CBX5: variants seen among roughly 807,000 people sequenced by gnomAD.
CBX5 encodes the protein chromobox 5, also known as chromobox protein homolog 5.
In CBX5, 7 loss-of-function variants were observed where a neutral mutation model predicts 20.7. The observed-to-expected ratio is 0.34, with a 90% confidence interval of 0.19 to 0.63. CBX5 has a LOEUF of 0.63. Among genes scored for constraint, CBX5 ranks in the 30% least tolerant of loss-of-function variants. The probability of loss-of-function intolerance (pLI) is 0.75; values close to 1 mark genes in which losing one functional copy is unlikely to be tolerated. For missense variants in CBX5, 110 were observed against 224.1 expected, an observed-to-expected ratio of 0.49 and a Z score of 3.25; for synonymous variants, 78 against 77.0, an observed-to-expected ratio of 1.01 and a Z score of -0.07.
chr12:54,260,321 T>C (rs1943904066), intron 1 of CBX5, among the ~76,000 whole-genome samples: 1 of 151,962 alleles, frequency 6.6e-6, no homozygotes, highest in Non-Finnish European at 1.5e-5. Flanking sequence ...TGAAACCCCG[T>C]CTCTACTAAA....
At position 54,250,811 on chromosome 12, in the gene CBX5, CAAAAAAAAAAAAAAA is replaced by C. The variant is rs1164585269; in HGVS notation, c.324+1215_324+1229del. ...TGTGCGACAGAGCGAGACTCCGTCT[CAAAAAAAAAAAAAAA>C]AAAAAAAAAAAAAAAAAAGAAAGGG... On this transcript the variant is annotated intron_variant, in intron 3 of 4. Transcript: ENST00000209875. Among the ~76,000 whole-genome samples, 12 of 39,350 alleles carry C rather than the reference CAAAAAAAAAAAAAAA, an allele frequency of 3.0e-4. No individual in the cohort carries two copies. The South Asian group carries it at 7.0e-3, about 23-fold the overall frequency. 25.8% of individuals were successfully genotyped at this position (39,350 alleles called of 152,430 possible). A position where few individuals can be genotyped will look rare whatever the true frequency, so the allele number is the denominator to read the frequency against.
chr12:54,249,696 T>C (rs1033555743), intron 3 of CBX5, among the ~76,000 whole-genome samples: 2 of 152,088 alleles, frequency 1.3e-5, no homozygotes, highest in African/African-American at 2.4e-5. Flanking sequence ...GTAGAGTGTG[T>C]GTATTTATGC....
At chr12:54,268,597 T>C (rs1943979437) in intron 1 of CBX5, among the ~76,000 whole-genome samples, 1 of 152,180 alleles carries the variant, frequency 6.6e-6, no homozygotes, top group African/African-American at 2.4e-5. Flanking sequence ...GCTCTAAAAT[T>C]GGTTGATTAT....
intron 1 of CBX5, chr12:54,258,412 T>C (rs1191093390): frequency 6.6e-6 from 1 of 152,156 alleles, no homozygotes; most frequent in African/African-American, 2.4e-5. Context: ...TATTCAGTAA[T>C]TCCCAAGATG....
chr12:54,263,779 A>G (rs531248888), intron 1 of CBX5, among the ~76,000 whole-genome samples: 180 of 149,234 alleles, frequency 1.2e-3, no homozygotes, highest in East Asian at 7.8e-3. Context: ...AAAAAAAAAA[A>G]AAAAGAAAAG....
At position 54,241,706 on chromosome 12, in the gene CBX5, A is replaced by C; in HGVS notation, c.*49T>G. On this transcript the variant is annotated 3_prime_UTR_variant, in exon 5 of 5. Transcript: ENST00000209875. ...TGGGTAGAAAGGAGAGGAGGCAGGG[A>C]GGTGAATGTATTATGTACAAAGAGA... 6.5e-7 allele frequency: 1 copy of C among 1,545,960 alleles called. No individual in the cohort carries two copies. Among genetic ancestry groups the C allele is most frequent in the Non-Finnish European group, 8.8e-7 (1 of 1,140,244 alleles).
chr12:54,258,247 A>G (rs1189981127), intron 1 of CBX5: 1 of 152,216 alleles, frequency 6.6e-6, no homozygotes, highest in Non-Finnish European at 1.5e-5. Flanking sequence ...AAACAAATTG[A>G]GCTTGTCCCT....
chr12:54,278,431 A>G lies in CBX5; in HGVS notation c.-43+1577T>C, dbSNP rs79396150. On this transcript the variant is annotated intron_variant, in intron 1 of 4. Coordinates refer to ENST00000209875, the MANE Select transcript of CBX5 (RefSeq NM_012117.3). ...TAAATTATAGGTTTGTCCTTTTGCT[A>G]GTGCCAGAGAACATGGAAATCTCTC... is the stretch of plus-strand genomic sequence containing the variant. 4.5e-3 allele frequency among the ~76,000 whole-genome samples: 681 copies of G among 152,356 alleles called. 6 individuals are homozygous for G. Among genetic ancestry groups the G allele is most frequent in the African/African-American group, 0.016 (651 of 41,586 alleles).
At chr12:54,246,571 G>A (rs1762981717) in intron 3 of CBX5, among the ~76,000 whole-genome samples, 1 of 151,936 alleles carries the variant, frequency 6.6e-6, no homozygotes, top group South Asian at 2.1e-4. Context: ...CACAAGCTCA[G>A]GAGTTCAAGA....
chr12:54,268,621 A>G (rs975440019), intron 1 of CBX5, among the ~76,000 whole-genome samples: 13 of 152,236 alleles, frequency 8.5e-5, no homozygotes, highest in African/African-American at 3.1e-4. Flanking sequence ...ATATTTATTG[A>G]GGGCCTAAAA....
At position 54,235,991 on chromosome 12, in the gene CBX5, T is replaced by C. The variant is rs1943617557; in HGVS notation, c.*5764A>G. 6.6e-6 allele frequency: 1 copy of C among 152,226 alleles called. No individual in the cohort carries two copies. Among genetic ancestry groups the C allele is most frequent in the African/African-American group, 2.4e-5 (1 of 41,454 alleles). The allele number at this position is 152,226 out of a possible 1,614,324, so 9.4% of individuals were successfully genotyped here. A position where few individuals can be genotyped will look rare whatever the true frequency, so the allele number is the denominator to read the frequency against. On this transcript the variant is annotated 3_prime_UTR_variant, in exon 5 of 5. Coordinates refer to ENST00000209875, the MANE Select transcript of CBX5 (RefSeq NM_012117.3). Reference sequence around the variant, plus strand: ...CAGGAGTTCTCAATCCCAACTCACCTGTTTTCTCTCTCAGTAATAACAGCA... The same window carrying C: ...CAGGAGTTCTCAATCCCAACTCACCCGTTTTCTCTCTCAGTAATAACAGCA...
rs1389493774 is a variant in CBX5 at position 54,235,139 on chromosome 12, G to C, written c.*6616C>G. On this transcript the variant is annotated 3_prime_UTR_variant, in exon 5 of 5. Transcript: ENST00000209875. ...AAGTTAGTCAACTCTCAATTATCCA[G>C]GCAGAAATAAATATCTTTTTCTTGT... The C allele has an allele frequency of 1.3e-5, 2 of 152,138 alleles. No homozygotes were observed. Among genetic ancestry groups the C allele is most frequent in the Non-Finnish European group, 1.5e-5 (1 of 68,048 alleles). The allele number at this position is 152,138 out of a possible 1,614,324, so 9.4% of individuals were successfully genotyped here.
chr12:54,273,522 G>C (rs1254651853), intron 1 of CBX5: 1 of 152,064 alleles, frequency 6.6e-6, no homozygotes, highest in East Asian at 1.9e-4. Flanking sequence ...TGCTCTCTCA[G>C]GTTGAATTAA....
In CBX5 at chr12:54,233,038, C is replaced by G. The variant is rs993098864; in HGVS notation, c.*8717G>C. ...TGGGAATCCTAGCACCACAAAACAC[C>G]CTCTTACTACATCACATCCCTCCCC... On this transcript the variant is annotated 3_prime_UTR_variant, in exon 5 of 5. Transcript: ENST00000209875. 4 of 152,090 alleles carry G rather than the reference C, an allele frequency of 2.6e-5. No individual in the cohort carries two copies. The highest frequency in any genetic ancestry group is 4.4e-5 in the Non-Finnish European group (3 of 68,026). The allele number at this position is 152,090 out of a possible 1,614,324, so 9.4% of individuals were successfully genotyped here. A position where few individuals can be genotyped will look rare whatever the true frequency, so the allele number is the denominator to read the frequency against.
chr12:54,247,002 T>G (rs1294758921), intron 3 of CBX5, among the ~76,000 whole-genome samples: 1 of 152,188 alleles, frequency 6.6e-6, no homozygotes, highest in Non-Finnish European at 1.5e-5. Flanking sequence ...ACTTTTAGTT[T>G]ACCTTAACAC....
At position 54,236,797 on chromosome 12, in the gene CBX5, C is replaced by T. The variant is rs1943627666; in HGVS notation, c.*4958G>A. On this transcript the variant is annotated 3_prime_UTR_variant, in exon 5 of 5. Transcript: ENST00000209875. ...TCAAAACTGAACCTTAAGGTAGAGA[C>T]AATTGCTCCCCGGGCCAAACACAGA... The T allele has an allele frequency of 6.6e-6, 1 of 152,082 alleles. No individual in the cohort carries two copies. Among genetic ancestry groups the T allele is most frequent in the East Asian group, 1.9e-4 (1 of 5,188 alleles). 9.4% of individuals were successfully genotyped at this position (152,082 alleles called of 1,614,324 possible). A position where few individuals can be genotyped will look rare whatever the true frequency, so the allele number is the denominator to read the frequency against.
Position 54,231,690 on chromosome 12 carries a change from G to T in CBX5, c.*10065C>A, listed in dbSNP as rs1389408126. ...GTGTCCAAAGTTTTCTCAAACCAGA[G>T]GGAAAAAAGGTCAAGGTTAGGTTCA... is the stretch of plus-strand genomic sequence containing the variant. On this transcript the variant is annotated 3_prime_UTR_variant, in exon 5 of 5. Coordinates refer to ENST00000209875, the MANE Select transcript of CBX5 (RefSeq NM_012117.3). 6.6e-6 allele frequency: 1 copy of T among 152,190 alleles called. No individual in the cohort carries two copies. The highest frequency in any genetic ancestry group is 1.5e-5 in the Non-Finnish European group (1 of 68,036). The allele number at this position is 152,190 out of a possible 1,614,324, so 9.4% of individuals were successfully genotyped here.
chr12:54,245,458 A>T (rs1368859586), intron 4 of CBX5, among the ~76,000 whole-genome samples: 1 of 152,146 alleles, frequency 6.6e-6, no homozygotes, highest in East Asian at 1.9e-4. Flanking sequence ...GGAGTTCAAG[A>T]CCAGCCTGGC....
At position 54,280,078 on chromosome 12, in the gene CBX5, A is replaced by C. The variant is rs959502547; in HGVS notation, c.-113T>G. The C allele has an allele frequency of 3.1e-5, 5 of 159,782 alleles. No homozygotes were observed. Among genetic ancestry groups the C allele is most frequent in the Admixed American group, 6.1e-5 (1 of 16,492 alleles). 9.9% of individuals were successfully genotyped at this position (159,782 alleles called of 1,614,324 possible). ...GTATGGTGAGGCCGCACCACAAGCCACCACCGCCGCCGCCTTCTGCGCAAC... is the reference window on the plus strand; with the variant it reads ...GTATGGTGAGGCCGCACCACAAGCCCCCACCGCCGCCGCCTTCTGCGCAAC... On this transcript the variant is annotated 5_prime_UTR_variant, in exon 1 of 5. Coordinates refer to ENST00000209875, the MANE Select transcript of CBX5 (RefSeq NM_012117.3).
Sources: allele counts gnomAD v4.1 joint callset (sites outside exome capture counted in the v4.1 genomes callset), GRCh38; gene constraint gnomAD v4.1.1; transcripts MANE v1.5; gene names NCBI Gene and HGNC (gene_info 2026-07-23, HGNC 2026-07-21).